The following NOL10 variants were observed in gnomAD, a reference collection of about 807,000 sequenced individuals.
NOL10 encodes nucleolar protein 10.
In NOL10, 58 loss-of-function variants were observed where a neutral mutation model predicts 103.5. The observed-to-expected ratio is 0.56, with a 90% CI of 0.45 to 0.70. The LOEUF (loss-of-function observed/expected upper bound fraction) is 0.70. NOL10 is among the 30% of genes least tolerant of loss of function. NOL10 has a pLI of 0.00. For synonymous variants in NOL10, 287 were observed against 282.5 expected, an observed-to-expected ratio of 1.02 and a Z score of -0.16; for missense variants, 763 against 807.3, an observed-to-expected ratio of 0.95 and a Z score of 0.67.
intron 19 of NOL10, among the ~76,000 whole-genome samples, chr2:10,580,912 T>A (rs1290549540): frequency 6.6e-6 from 1 of 152,134 alleles, no homozygotes; most frequent in Non-Finnish European, 1.5e-5. Context: ...CACTCCATAG[T>A]CTACACCGGA....
In NOL10 at chr2:10,571,393, A is replaced by G. The variant is rs1206646986; in HGVS notation, c.*678T>C. ...CCACCTGTAGAACTGTGAGTCAATTAAACCTCTTTTCTTTACTTATAAATT... is the reference window on the plus strand; with the variant it reads ...CCACCTGTAGAACTGTGAGTCAATTGAACCTCTTTTCTTTACTTATAAATT... On this transcript the variant is annotated 3_prime_UTR_variant, in exon 21 of 21. Transcript: ENST00000381685. 1.3e-5 allele frequency: 2 copies of G among 152,552 alleles called. No individual in the cohort carries two copies. The highest frequency in any genetic ancestry group is 3.8e-4 in the East Asian group (2 of 5,216). 9.4% of individuals were successfully genotyped at this position (152,552 alleles called of 1,614,324 possible).
At chr2:10,583,968 T>G (rs1335564966) in intron 19 of NOL10, among the ~76,000 whole-genome samples, 1 of 152,184 alleles carries the variant, frequency 6.6e-6, no homozygotes, top group Non-Finnish European at 1.5e-5. Flanking sequence ...ATAGATTGGA[T>G]CCCATTCATC....
intron 1 of NOL10, among the ~76,000 whole-genome samples, chr2:10,687,912 A>G (rs1682330115): frequency 6.6e-6 from 1 of 152,190 alleles, no homozygotes; most frequent in African/African-American, 2.4e-5. Flanking sequence ...AGGCCATTGC[A>G]CGCGACCTCA....
At chr2:10,613,612 T>A (rs1280053173) in intron 13 of NOL10, among the ~76,000 whole-genome samples, 1 of 152,250 alleles carries the variant, frequency 6.6e-6, no homozygotes, top group Non-Finnish European at 1.5e-5. Flanking sequence ...ACACAGAAGA[T>A]GTTTAGTTAA....
intron 13 of NOL10, among the ~76,000 whole-genome samples, chr2:10,624,178 CTTT>C (rs764280554): frequency 7.1e-6 from 1 of 140,120 alleles, no homozygotes. Context: ...TTTTTCTTTT[CTTT>C]TTTTTTTTTT....
intron 17 of NOL10, among the ~76,000 whole-genome samples, chr2:10,594,388 T>A (rs981380813): frequency 2.0e-5 from 3 of 152,194 alleles, no homozygotes; most frequent in African/African-American, 7.2e-5. Flanking sequence ...TAATTCTCTG[T>A]CCAACATGGG....
At chr2:10,618,260 TAAG>T (rs1572300097) in intron 13 of NOL10, among the ~76,000 whole-genome samples, 2 of 150,990 alleles carry the variant, frequency 1.3e-5, no homozygotes, top group East Asian at 3.9e-4. Context: ...AAAAATGAAT[TAAG>T]GAGGTTATTA....
chr2:10,600,397 T>C (rs547452294), intron 17 of NOL10, among the ~76,000 whole-genome samples: 29 of 152,214 alleles, frequency 1.9e-4, no homozygotes, highest in Non-Finnish European at 3.5e-4. Context: ...TCTGGAGTTA[T>C]GAACAAAGAA....
intron 17 of NOL10, among the ~76,000 whole-genome samples, chr2:10,596,819 A>C (rs1675717076): frequency 6.6e-6 from 1 of 152,194 alleles, no homozygotes; most frequent in South Asian, 2.1e-4. Flanking sequence ...AAAAAGACTA[A>C]CATACAAAAA....
chr2:10,579,084 C>T (rs1674619613), intron 19 of NOL10, among the ~76,000 whole-genome samples: 1 of 152,162 alleles, frequency 6.6e-6, no homozygotes, highest in Non-Finnish European at 1.5e-5. Context: ...CAAAGTGATG[C>T]TTCTTTGAAA....
rs1681086948 is a variant in NOL10 at position 10,673,506 on chromosome 2, G to C, written c.327+14C>G. ...TTGGGTCTAGTCAGTACAAACCAAT[G>C]CTATAAAACATACCTTTGAGTAGTC... On this transcript the variant is annotated intron_variant, in intron 5 of 20. Coordinates refer to ENST00000381685, the MANE Select transcript of NOL10 (RefSeq NM_024894.4). The C allele has an allele frequency of 2.5e-6, 4 of 1,574,742 alleles. No individual in the cohort carries two copies. In the East Asian group the frequency reaches 9.1e-5, roughly 36 times the overall value.
intron 1 of NOL10, among the ~76,000 whole-genome samples, chr2:10,687,534 T>C (rs958363181): frequency 5.3e-5 from 8 of 152,212 alleles, no homozygotes. Flanking sequence ...TCTCTCACAA[T>C]TTGATCTCAC....
intron 5 of NOL10, among the ~76,000 whole-genome samples, chr2:10,672,707 G>A (rs554991485): frequency 7.9e-5 from 12 of 152,286 alleles, no homozygotes; most frequent in Admixed American, 7.8e-4. Context: ...AGAGTTGAAA[G>A]ATGGGTCGGG....
At chr2:10,601,328 T>A (rs1675965168) in intron 16 of NOL10, among the ~76,000 whole-genome samples, 1 of 152,196 alleles carries the variant, frequency 6.6e-6, no homozygotes, top group Non-Finnish European at 1.5e-5. Flanking sequence ...CTTCCCAAAG[T>A]GCTGGGATTA....
At chr2:10,675,313 C>G (rs1681230026) in intron 4 of NOL10, among the ~76,000 whole-genome samples, 1 of 152,096 alleles carries the variant, frequency 6.6e-6, no homozygotes, top group South Asian at 2.1e-4. Flanking sequence ...TGCATGCAGC[C>G]TCTAGAAGCC....
chr2:10,610,185 T>C (rs1257058198), intron 13 of NOL10, among the ~76,000 whole-genome samples: 1 of 152,198 alleles, frequency 6.6e-6, no homozygotes, highest in Non-Finnish European at 1.5e-5. Flanking sequence ...AAATAAATTG[T>C]TCCACCTTTT....
chr2:10,631,733 T>A (rs959740623), intron 13 of NOL10, among the ~76,000 whole-genome samples: 2 of 145,756 alleles, frequency 1.4e-5, no homozygotes, highest in African/African-American at 2.7e-5. Flanking sequence ...TTTTTTTTTT[T>A]AGATGGAGTT....
At chr2:10,646,782 A>C (rs776592564) in intron 12 of NOL10, among the ~76,000 whole-genome samples, 6 of 152,246 alleles carry the variant, frequency 3.9e-5, no homozygotes, top group Non-Finnish European at 7.3e-5. Flanking sequence ...TCCAAGGCTC[A>C]TAACATGGGA....
At chr2:10,636,098 G>C (rs1442861467) in intron 13 of NOL10, among the ~76,000 whole-genome samples, 1 of 152,062 alleles carries the variant, frequency 6.6e-6, no homozygotes, top group East Asian at 1.9e-4. Flanking sequence ...TTGTTGGCCA[G>C]GCTAGTCTCA....
Sources: allele counts gnomAD v4.1 joint callset (sites outside exome capture counted in the v4.1 genomes callset), GRCh38; gene constraint gnomAD v4.1.1; transcripts MANE v1.5; gene names NCBI Gene and HGNC (gene_info 2026-07-23, HGNC 2026-07-21).